Variants in CHCHD3 observed in about 807,000 individuals in gnomAD.
CHCHD3 encodes coiled-coil-helix-coiled-coil-helix domain containing 3, also known as MICOS complex subunit MIC19.
A neutral mutation model predicts 38.2 loss-of-function variants in CHCHD3; 20 were observed. That is an observed-to-expected ratio of 0.52 (90% CI 0.37 to 0.76). The LOEUF is 0.76. Among genes scored for constraint, CHCHD3 ranks in the 30% least tolerant of loss-of-function variants. The pLI is 0.00. For missense variants in CHCHD3, 245 were observed against 279.2 expected, an observed-to-expected ratio of 0.88 and a Z score of 0.87; for synonymous variants, 82 against 100.0, an observed-to-expected ratio of 0.82 and a Z score of 1.07.
At chr7:132,914,878 G>C (rs963214671) in intron 4 of CHCHD3, among the ~76,000 whole-genome samples, 1 of 152,164 alleles carries the variant, frequency 6.6e-6, no homozygotes, top group Non-Finnish European at 1.5e-5. Context: ...GTTCAACAAA[G>C]AGGCTAGGCG....
intron 4 of CHCHD3, among the ~76,000 whole-genome samples, chr7:132,965,171 G>A (rs969115007): frequency 4.0e-5 from 6 of 151,824 alleles, no homozygotes; most frequent in South Asian, 2.1e-4. Flanking sequence ...CTTTGACCAC[G>A]TGCCTAAAAG....
intron 6 of CHCHD3, among the ~76,000 whole-genome samples, chr7:132,817,731 C>T (rs1807235638): frequency 6.6e-6 from 1 of 152,014 alleles, no homozygotes; most frequent in Non-Finnish European, 1.5e-5. Flanking sequence ...AGCTACTGCA[C>T]CTGTAGTCCC....
chr7:132,901,854 C>T (rs1045282212), intron 4 of CHCHD3, among the ~76,000 whole-genome samples: 2 of 152,034 alleles, frequency 1.3e-5, no homozygotes, highest in Non-Finnish European at 2.9e-5. Flanking sequence ...TTTTTGTTGC[C>T]ATTGCTTTTG....
intron 2 of CHCHD3, among the ~76,000 whole-genome samples, chr7:133,045,884 T>C (rs951381650): frequency 6.6e-6 from 1 of 152,110 alleles, no homozygotes; most frequent in African/African-American, 2.4e-5. Context: ...CCATGTGATG[T>C]ACCCCCTTCC....
At position 132,800,307 on chromosome 7, in the gene CHCHD3, G is replaced by C. The variant is rs941838707; in HGVS notation, c.525-3730C>G. Among the ~76,000 whole-genome samples, 7 of 152,106 alleles carry C rather than the reference G, an allele frequency of 4.6e-5. No homozygotes were observed. The South Asian group carries it at 1.0e-3, about 22-fold the overall frequency. On this transcript the variant is annotated intron_variant, in intron 6 of 7. Transcript: ENST00000262570. ...GTAAGTTAAATTAACTGATCAAAGA[G>C]AAACGAAAACAGTTTTAGCAAAAAC...
At chr7:132,928,845 G>A (rs866131583) in intron 4 of CHCHD3, among the ~76,000 whole-genome samples, 14 of 152,088 alleles carry the variant, frequency 9.2e-5, no homozygotes, top group Middle Eastern at 6.8e-3. Context: ...GCTTTTCTCC[G>A]TCTCTTACCC....
Position 132,986,097 on chromosome 7 carries a change from A to G in CHCHD3, c.252-10811T>C, listed in dbSNP as rs1357978934. ...TGCCTTGGGATCCTGTTGATCTGTG[A>G]CCTTACCCCCAACCCTGTGCTCTCT... On this transcript the variant is annotated intron_variant, in intron 3 of 7. Coordinates refer to ENST00000262570, the MANE Select transcript of CHCHD3 (RefSeq NM_017812.4). Among the ~76,000 whole-genome samples, 3 of 150,126 alleles carry G rather than the reference A, an allele frequency of 2.0e-5. 1 individual carries two copies. The highest frequency in any genetic ancestry group is 3.0e-5 in the Non-Finnish European group (2 of 67,630).
intron 4 of CHCHD3, among the ~76,000 whole-genome samples, chr7:132,914,123 CGTGTGTGTGTGTGTGTGTGT>C (rs200561468): frequency 2.3e-5 from 3 of 132,222 alleles, no homozygotes; most frequent in Non-Finnish European, 3.2e-5. Context: ...CCATGCCTGG[CGTGTGTGTGTGTGTGTGTGT>C]GTGTGTGTGT....
chr7:132,918,808 A>T (rs149825629), intron 4 of CHCHD3, among the ~76,000 whole-genome samples: 1 of 152,212 alleles, frequency 6.6e-6, no homozygotes, highest in African/African-American at 2.4e-5. Flanking sequence ...TACAGCTGAC[A>T]TGGCACTTAA....
intron 7 of CHCHD3, among the ~76,000 whole-genome samples, chr7:132,794,075 A>C (rs1806539759): frequency 6.6e-6 from 1 of 152,190 alleles, no homozygotes; most frequent in Non-Finnish European, 1.5e-5. Flanking sequence ...GCCAGTGCCA[A>C]GTTGCCCCTT....
chr7:133,047,845 T>G (rs1814038429), intron 2 of CHCHD3, among the ~76,000 whole-genome samples: 1 of 152,108 alleles, frequency 6.6e-6, no homozygotes, highest in African/African-American at 2.4e-5. Flanking sequence ...CCCAGCACTT[T>G]GGGAGGCGGA....
intron 5 of CHCHD3, among the ~76,000 whole-genome samples, chr7:132,842,372 G>T (rs1354333784): frequency 6.6e-6 from 1 of 152,098 alleles, no homozygotes; most frequent in Non-Finnish European, 1.5e-5. Context: ...ATAGGCAAAA[G>T]ATTCCCATCT....
intron 7 of CHCHD3, among the ~76,000 whole-genome samples, chr7:132,793,617 T>C (rs1477645206): frequency 2.6e-5 from 4 of 152,194 alleles, no homozygotes; most frequent in Non-Finnish European, 5.9e-5. Context: ...GAAATTTTCC[T>C]AACAGTAAAA....
rs142562647 is a variant in CHCHD3 at position 133,033,884 on chromosome 7, C to T, written c.170-9257G>A. On this transcript the variant is annotated intron_variant, in intron 2 of 7. Transcript: ENST00000262570. ...TCCTGATGTCCTAGAGGGATGAGGG[C>T]TCCATTATTAATTCAATAGAAATGG... is the stretch of plus-strand genomic sequence containing the variant. Among the ~76,000 whole-genome samples, 114 of 152,180 alleles carry T rather than the reference C, an allele frequency of 7.5e-4. 1 individual carries two copies. Among genetic ancestry groups the T allele is most frequent in the African/African-American group, 2.7e-3 (111 of 41,512 alleles).
intron 4 of CHCHD3, among the ~76,000 whole-genome samples, chr7:132,918,540 TCA>T (rs1401803833): frequency 6.6e-6 from 1 of 152,202 alleles, no homozygotes; most frequent in Non-Finnish European, 1.5e-5. Context: ...CCCAATTGTC[TCA>T]CATGAGTATC....
At chr7:132,984,188 G>C (rs535138715) in intron 3 of CHCHD3, among the ~76,000 whole-genome samples, 4 of 151,708 alleles carry the variant, frequency 2.6e-5, no homozygotes, top group African/African-American at 9.7e-5. Flanking sequence ...TCAGCCTGCC[G>C]AGTGCCTGCG....
At chr7:132,996,939 G>T (rs971322532) in intron 3 of CHCHD3, among the ~76,000 whole-genome samples, 1 of 152,174 alleles carries the variant, frequency 6.6e-6, no homozygotes, top group South Asian at 2.1e-4. Flanking sequence ...CTTCAAAACG[G>T]CTAGGTAAAC....
chr7:132,945,178 T>C (rs888152439), intron 4 of CHCHD3, among the ~76,000 whole-genome samples: 2 of 151,984 alleles, frequency 1.3e-5, no homozygotes, highest in African/African-American at 4.8e-5. Flanking sequence ...GAGAGTGCTT[T>C]TTTAAAATTG....
intron 3 of CHCHD3, among the ~76,000 whole-genome samples, chr7:133,014,561 C>T (rs1428525065): frequency 2.0e-5 from 3 of 146,620 alleles, no homozygotes; most frequent in African/African-American, 7.5e-5. Context: ...TGATGACTGA[C>T]TATCATACAA....
Sources: gnomAD v4.1 joint callset for allele counts (sites outside exome capture counted in the v4.1 genomes callset) on GRCh38, gnomAD v4.1.1 for gene constraint, MANE v1.5 for transcripts, NCBI Gene and HGNC (gene_info 2026-07-23, HGNC 2026-07-21) for gene names.